Variants in TNRC18 observed in about 807,000 individuals in gnomAD.
TNRC18 encodes trinucleotide repeat containing 18.
A neutral mutation model predicts 226.7 loss-of-function variants in TNRC18; 69 were observed. The observed-to-expected ratio is 0.30, with a 90% CI of 0.25 to 0.37. The LOEUF (loss-of-function observed/expected upper bound fraction) is 0.37, where lower values mean the gene tolerates loss of function less well. TNRC18 is among the 10% of genes least tolerant of loss of function. The probability of loss-of-function intolerance (pLI) is 1.00; values close to 1 mark genes in which losing one functional copy is unlikely to be tolerated. For synonymous variants in TNRC18, 2,449 were observed against 1,927.6 expected (o/e 1.27, Z -7.09); for missense variants, 4,754 against 4,256.6 (o/e 1.12, Z -3.25).
At position 5,423,465 on chromosome 7, in the gene TNRC18, C is replaced by G. The variant is rs1450588298; in HGVS notation, c.-268G>C. On this transcript the variant is annotated 5_prime_UTR_variant, in exon 1 of 30. Coordinates refer to ENST00000430969, the MANE Select transcript of TNRC18 (RefSeq NM_001080495.3). The stretch of plus-strand genomic sequence containing the variant: ...CCTGGCGCGGCTGGGTTCACGGCTC[C>G]AGGCTCCGGCGACAACGACTCCGGC... The G allele has an allele frequency of 6.6e-6, 1 of 152,156 alleles. No homozygotes were observed. Among genetic ancestry groups the G allele is most frequent in the African/African-American group, 2.4e-5 (1 of 41,454 alleles). 9.4% of individuals were successfully genotyped at this position (152,156 alleles called of 1,614,324 possible). A position where few individuals can be genotyped will look rare whatever the true frequency, so the allele number is the denominator to read the frequency against.
intron 18 of TNRC18, among the ~76,000 whole-genome samples, chr7:5,345,073 C>G (rs780172886): frequency 7.2e-5 from 11 of 152,204 alleles, no homozygotes; most frequent in Non-Finnish European, 1.5e-4. Context: ...CACCCGTTCT[C>G]CCATGGCACA....
intron 13 of TNRC18, 65 bp from the exon 14 acceptor site, chr7:5,361,787 A>G (rs1399190636): frequency 2.0e-6 from 3 of 1,537,638 alleles, no homozygotes; most frequent in Non-Finnish European, 2.6e-6. Context: ...GAACGGGCAC[A>G]CGATGCACAC....
intron 24 of TNRC18, 28 bp from the exon 25 acceptor site, chr7:5,316,100 G>A (rs1399783416): frequency 6.3e-7 from 1 of 1,580,164 alleles, no homozygotes; most frequent in Non-Finnish European, 8.7e-7. Flanking sequence ...GCTCAGGGGA[G>A]GCCCTCGGAC....
At position 5,313,685 on chromosome 7, in the gene TNRC18, G is replaced by C. The variant is rs745770637; in HGVS notation, c.7206C>G (p.Ala2402=). 6.7e-5 allele frequency: 108 copies of C among 1,605,598 alleles called. No individual in the cohort carries two copies. Among genetic ancestry groups the C allele is most frequent in the Non-Finnish European group, 8.9e-5 (105 of 1,176,788 alleles). The change falls in exon 27 of 30, where the codon GCC becomes GCG. Residue 2402 remains alanine, a synonymous_variant. Coordinates refer to ENST00000430969, the MANE Select transcript of TNRC18 (RefSeq NM_001080495.3). ...GCTCGGGTGCTGGGCAGCTGGTGAA[G>C]GCGGGTGGTGCGGGACTGGGCTGCG... ...APPQPSPAPP[A]FTSCPAPEPF...
chr7:5,344,065 T>C (rs1034954930), intron 18 of TNRC18, among the ~76,000 whole-genome samples: 10 of 152,166 alleles, frequency 6.6e-5, no homozygotes, highest in African/African-American at 2.4e-4. Context: ...CTACAGACCC[T>C]TCAGACAGTC....
intron 2 of TNRC18, among the ~76,000 whole-genome samples, chr7:5,406,883 G>T (rs1357986554): frequency 1.3e-5 from 2 of 151,580 alleles, no homozygotes; most frequent in Non-Finnish European, 2.9e-5. Context: ...AAAGAAAAAA[G>T]AAAAGAAAAG....
chr7:5,375,391 G>T (rs1214418456), intron 9 of TNRC18, among the ~76,000 whole-genome samples: 2 of 152,170 alleles, frequency 1.3e-5, no homozygotes, highest in East Asian at 1.9e-4. Context: ...TTACTAAACA[G>T]TCACATTTAG....
chr7:5,365,031 G>A (rs1280823064), intron 11 of TNRC18, among the ~76,000 whole-genome samples: 1 of 82,334 alleles, frequency 1.2e-5, no homozygotes, highest in African/African-American at 4.1e-5. Context: ...ATGTGGGGGG[G>A]CGGGGGCGGA....
chr7:5,345,335 G>A (rs1317963178), intron 18 of TNRC18, among the ~76,000 whole-genome samples: 1 of 152,190 alleles, frequency 6.6e-6, no homozygotes, highest in South Asian at 2.1e-4. Flanking sequence ...GAGACTGAAG[G>A]AGGTCGCCCT....
chr7:5,412,313 C>T (rs191883872), intron 2 of TNRC18, among the ~76,000 whole-genome samples: 521 of 150,470 alleles, frequency 3.5e-3, no homozygotes, highest in Admixed American at 9.1e-3. Flanking sequence ...TGGTGGCTTA[C>T]GCCTGTAATC....
chr7:5,391,378 C>A (rs1408262996), intron 3 of TNRC18, among the ~76,000 whole-genome samples: 1 of 151,820 alleles, frequency 6.6e-6, no homozygotes, highest in Non-Finnish European at 1.5e-5. Flanking sequence ...GTGGCAGGAT[C>A]TCGGTTCACT....
chr7:5,379,512 C>G (rs1022111091), intron 5 of TNRC18, among the ~76,000 whole-genome samples: 72 of 147,464 alleles, frequency 4.9e-4, no homozygotes, highest in African/African-American at 1.7e-3. Context: ...TCACCCATCC[C>G]TGTCCCTCCC....
rs1396163852 is a variant in TNRC18, at chr7:5,389,017, G to A, written c.807C>T (p.Ser269=). 6.7e-6 allele frequency: 9 copies of A among 1,334,746 alleles called. No homozygotes were observed. The highest frequency in any genetic ancestry group is 8.7e-6 in the Non-Finnish European group (9 of 1,034,270). The allele number at this position is 1,334,746 out of a possible 1,614,324, so 82.7% of individuals were successfully genotyped here. A position where few individuals can be genotyped will look rare whatever the true frequency, so the allele number is the denominator to read the frequency against. The change falls in exon 5 of 30, where the codon TCC becomes TCT. Residue 269 remains serine (S), a synonymous_variant. Coordinates refer to ENST00000430969, the MANE Select transcript of TNRC18 (RefSeq NM_001080495.3). ...GCTGCAGCGCCGCATTCTTGGTCTTGGACTCAGCCAGGAAGGGCGACAGGC... is the reference window on the plus strand; with the variant it reads ...GCTGCAGCGCCGCATTCTTGGTCTTAGACTCAGCCAGGAAGGGCGACAGGC... ...AERLSPFLAE[S]KTKNAALQPS... is the part of the protein sequence containing the mutation.
intron 16 of TNRC18, among the ~76,000 whole-genome samples, chr7:5,354,159 T>C (rs914914178): frequency 2.6e-5 from 4 of 151,942 alleles, no homozygotes; most frequent in African/African-American, 7.3e-5. Flanking sequence ...GCCGAGATCA[T>C]GCCACCGTAC....
chr7:5,334,864 G>A (rs1005124757), intron 18 of TNRC18, among the ~76,000 whole-genome samples: 2 of 152,112 alleles, frequency 1.3e-5, no homozygotes, highest in South Asian at 4.2e-4. Context: ...AGATCTCCCT[G>A]CACCCTCTAC....
At position 5,349,827 on chromosome 7, in the gene TNRC18, G is replaced by A. The variant is rs371882847; in HGVS notation, c.5470+1992C>T. On this transcript the variant is annotated intron_variant, in intron 17 of 29. Coordinates refer to ENST00000430969, the MANE Select transcript of TNRC18 (RefSeq NM_001080495.3). Reference sequence around the variant, plus strand: ...AGCCAGTTACGGAGTTTAGTACCAGGTCAGCGAGGCCCTATTACCCAAATA... The same window carrying A: ...AGCCAGTTACGGAGTTTAGTACCAGATCAGCGAGGCCCTATTACCCAAATA... Among the ~76,000 whole-genome samples the A allele has an allele frequency of 4.6e-5, 7 of 152,298 alleles. No individual in the cohort carries two copies. The South Asian group carries it at 1.4e-3, about 32-fold the overall frequency.
chr7:5,392,760 C>A (rs1412255246), intron 3 of TNRC18, among the ~76,000 whole-genome samples: 1 of 152,214 alleles, frequency 6.6e-6, no homozygotes, highest in Non-Finnish European at 1.5e-5. Flanking sequence ...GTAATCCCAG[C>A]ACTTTGGGAG....
chr7:5,325,442 G>C (rs1057488116), intron 19 of TNRC18, 194 bp from the exon 20 acceptor site: 3 of 468,420 alleles, frequency 6.4e-6, no homozygotes, highest in Admixed American at 5.4e-5. Context: ...TTTTTTTTTT[G>C]AGACGGAGTC....
At chr7:5,308,999 C>T (rs1403561787) in intron 28 of TNRC18, 50 bp from the exon 29 acceptor site, 2 of 1,562,968 alleles carry the variant, frequency 1.3e-6, no homozygotes, top group African/African-American at 1.4e-5. Flanking sequence ...GGCTGCTGCA[C>T]CCGACCCCAG....
Sources: gnomAD v4.1 joint callset for allele counts (sites outside exome capture counted in the v4.1 genomes callset) on GRCh38, gnomAD v4.1.1 for gene constraint, MANE v1.5 for transcripts, NCBI Gene and HGNC (gene_info 2026-07-23, HGNC 2026-07-21) for gene names.